Variants in HOMER2 observed in about 807,000 individuals in gnomAD.
HOMER2 encodes homer protein homolog 2.
In HOMER2, 27 loss-of-function variants were observed where a neutral mutation model predicts 47.0. The ratio of observed to expected loss-of-function variants is 0.57; its 90% CI spans 0.42 to 0.79. HOMER2 has a LOEUF of 0.79. Ranked by LOEUF, HOMER2 falls within the 30% of genes least tolerant of loss-of-function variation. The pLI is 0.00. For synonymous variants in HOMER2, 161 were observed against 163.8 expected, an observed-to-expected ratio of 0.98 and a Z score of 0.13; for missense variants, 443 against 435.0, an observed-to-expected ratio of 1.02 and a Z score of -0.16.
chr15:82,937,002 C>T (rs567843274), intron 1 of HOMER2, among the ~76,000 whole-genome samples: 1 of 152,264 alleles, frequency 6.6e-6, no homozygotes, highest in South Asian at 2.1e-4. Context: ...TCAGGGTACA[C>T]ACAAGACTAT....
At position 82,976,704 on chromosome 15, in the gene HOMER2, A is replaced by C. The variant is rs1291134775; in HGVS notation, n.82+9083T>G. Among the ~76,000 whole-genome samples, 7 of 118,328 alleles carry C rather than the reference A, an allele frequency of 5.9e-5. No individual in the cohort carries two copies. The East Asian group carries it at 1.8e-3, about 30-fold the overall frequency. The allele number at this position is 118,328 out of a possible 152,430, so 77.6% of individuals were successfully genotyped here. ...TTTTTTTTTTTTTTTTTTGAGACAGAGTTTTGCTCTTGTTGCCCAGGCTGG... is the reference window on the plus strand; with the variant it reads ...TTTTTTTTTTTTTTTTTTGAGACAGCGTTTTGCTCTTGTTGCCCAGGCTGG... On this transcript the variant is annotated intron_variant and non_coding_transcript_variant, in intron 1 of 1. Coordinates refer to the HOMER2 transcript ENST00000500334.
At chr15:82,853,938 G>A (rs185388344) in intron 6 of HOMER2, among the ~76,000 whole-genome samples, 113 of 152,270 alleles carry the variant, frequency 7.4e-4, no homozygotes, top group African/African-American at 2.6e-3. Context: ...CCAAGCAGGC[G>A]CAACTCACCA....
chr15:82,983,981 C>T (rs1255439619), intron 1 of HOMER2, among the ~76,000 whole-genome samples: 2 of 151,976 alleles, frequency 1.3e-5, no homozygotes, highest in Non-Finnish European at 2.9e-5. Context: ...CTATAGCGCG[C>T]TAACCAATTG....
At chr15:82,846,934 G>C (rs1310048831), downstream of HOMER2, 1 of 152,206 alleles carries the variant, frequency 6.6e-6, no homozygotes, top group African/African-American at 2.4e-5. Context: ...CTTGGTTAAA[G>C]GGTTCCAAGT....
intron 1 of HOMER2, among the ~76,000 whole-genome samples, chr15:82,902,197 ATTTTT>A (rs35594463): frequency 7.4e-6 from 1 of 135,068 alleles, no homozygotes; most frequent in Non-Finnish European, 1.6e-5. Context: ...CATCCAAGTG[ATTTTT>A]TTTTTTTTTT....
chr15:82,914,136 A>G (rs2053518106), intron 1 of HOMER2, among the ~76,000 whole-genome samples: 1 of 151,646 alleles, frequency 6.6e-6, no homozygotes, highest in Admixed American at 6.6e-5. Flanking sequence ...GGAGATCGAG[A>G]CCATCCTGGC....
chr15:82,857,923 C>T (rs182362168), intron 5 of HOMER2, among the ~76,000 whole-genome samples: 1 of 152,314 alleles, frequency 6.6e-6, no homozygotes, highest in East Asian at 1.9e-4. Context: ...ATCATAAGCA[C>T]CGCTCATGCA....
intron 3 of HOMER2, among the ~76,000 whole-genome samples, chr15:82,866,986 A>T (rs1032097815): frequency 2.0e-5 from 3 of 152,212 alleles, no homozygotes; most frequent in Non-Finnish European, 4.4e-5. Flanking sequence ...GGAACAGAAC[A>T]AACAGGTGAG....
At chr15:82,883,052 A>C (rs2052579305) in intron 2 of HOMER2, among the ~76,000 whole-genome samples, 2 of 31,248 alleles carry the variant, frequency 6.4e-5, no homozygotes, top group Admixed American at 3.9e-4. Context: ...CCATCCCCCG[A>C]CCCCACCACA....
At chr15:82,868,811 A>T (rs1330887794) in intron 3 of HOMER2, among the ~76,000 whole-genome samples, 1 of 151,080 alleles carries the variant, frequency 6.6e-6, no homozygotes, top group African/African-American at 2.4e-5. Context: ...TTGGCCTCCC[A>T]AAGTGCTAGG....
At chr15:82,935,116 G>A (rs535550397) in intron 1 of HOMER2, among the ~76,000 whole-genome samples, 1 of 152,148 alleles carries the variant, frequency 6.6e-6, no homozygotes, top group Non-Finnish European at 1.5e-5. Flanking sequence ...CTCACACCTC[G>A]CCTGCTGCAT....
At chr15:82,917,518 C>T (rs1232803234) in intron 1 of HOMER2, among the ~76,000 whole-genome samples, 1 of 152,224 alleles carries the variant, frequency 6.6e-6, no homozygotes, top group African/African-American at 2.4e-5. Context: ...CACATGATAC[C>T]AAAGACACAT....
intron 1 of HOMER2, among the ~76,000 whole-genome samples, chr15:82,962,236 G>A (rs1308936789): frequency 6.6e-6 from 1 of 151,988 alleles, no homozygotes; most frequent in Non-Finnish European, 1.5e-5. Flanking sequence ...CGGGTGCAGT[G>A]GCAGGCTAGT....
At chr15:82,975,060 T>C (rs983277127) in intron 1 of HOMER2, among the ~76,000 whole-genome samples, 3 of 151,876 alleles carry the variant, frequency 2.0e-5, no homozygotes, top group South Asian at 4.2e-4. Context: ...ACAGAGAGAC[T>C]GTCTCAAAAA....
intron 3 of HOMER2, among the ~76,000 whole-genome samples, chr15:82,871,005 T>C (rs1286164484): frequency 6.6e-6 from 1 of 152,250 alleles, no homozygotes; most frequent in Non-Finnish European, 1.5e-5. Context: ...CTTATATTTG[T>C]TCCTCCTTCT....
chr15:82,859,337 G>T (rs1386373223), intron 4 of HOMER2, among the ~76,000 whole-genome samples: 1 of 150,958 alleles, frequency 6.6e-6, no homozygotes, highest in Non-Finnish European at 1.5e-5. Flanking sequence ...AAACAAAAAA[G>T]AAAACAAAAC....
intron 1 of HOMER2, among the ~76,000 whole-genome samples, chr15:82,979,193 A>G (rs1017882017): frequency 9.9e-5 from 15 of 152,208 alleles, no homozygotes; most frequent in Admixed American, 9.2e-4. Context: ...CCCTTTATAA[A>G]TTACCTAGTC....
intron 3 of HOMER2, among the ~76,000 whole-genome samples, chr15:82,869,647 A>G (rs2052114404): frequency 6.6e-6 from 1 of 151,704 alleles, no homozygotes; most frequent in Non-Finnish European, 1.5e-5. Flanking sequence ...TAGAGGAGAC[A>G]GGGTTTCACA....
chr15:82,968,016 C>T (rs1438005175), intron 1 of HOMER2, among the ~76,000 whole-genome samples: 1 of 152,058 alleles, frequency 6.6e-6, no homozygotes, highest in African/African-American at 2.4e-5. Flanking sequence ...ATATATATAA[C>T]ATATTGTAAC....
Sources: allele counts gnomAD v4.1 joint callset (sites outside exome capture counted in the v4.1 genomes callset), GRCh38; gene constraint gnomAD v4.1.1; transcripts MANE v1.5; gene names NCBI Gene and HGNC (gene_info 2026-07-23, HGNC 2026-07-21).